TMTC1: variants seen among roughly 807,000 people sequenced by gnomAD.
The protein encoded by TMTC1 is transmembrane O-mannosyltransferase targeting cadherins 1.
TMTC1 carries 73 observed loss-of-function variants against 104.8 expected under a neutral mutation model. The observed-to-expected ratio is 0.70, with a 90% CI of 0.58 to 0.85. The LOEUF (loss-of-function observed/expected upper bound fraction) is 0.85, where lower values mean the gene tolerates loss of function less well. Among genes scored for constraint, TMTC1 ranks in the 40% least tolerant of loss-of-function variants. The pLI is 0.00. For missense variants in TMTC1, 1,035 were observed against 1,096.1 expected (o/e 0.94, Z 0.79); for synonymous variants, 434 against 428.7 (o/e 1.01, Z -0.15).
rs557237967 is a variant in TMTC1 at position 29,543,406 on chromosome 12, C to T, written c.1677-7089G>A. On this transcript the variant is annotated intron_variant, in intron 10 of 17. Coordinates refer to ENST00000539277, the MANE Select transcript of TMTC1 (RefSeq NM_001193451.2). ...CATTTAAACTGAAAGTAGATGCTTG[C>T]TTTGAAAAAGTATTGACATTTGGGG... is the stretch of plus-strand genomic sequence containing the variant. 2.8e-4 allele frequency among the ~76,000 whole-genome samples: 43 copies of T among 152,330 alleles called. 1 individual carries two copies. The highest frequency in any genetic ancestry group is 2.8e-3 in the Admixed American group (43 of 15,306).
At chr12:29,726,191 G>A (rs1296173944) in intron 5 of TMTC1, among the ~76,000 whole-genome samples, 1 of 152,180 alleles carries the variant, frequency 6.6e-6, no homozygotes, top group African/African-American at 2.4e-5. Flanking sequence ...AGCCAGAGAT[G>A]CACAGAATTA....
chr12:29,645,379 T>C (rs1396711175), intron 5 of TMTC1, among the ~76,000 whole-genome samples: 3 of 152,196 alleles, frequency 2.0e-5, no homozygotes, highest in Non-Finnish European at 4.4e-5. Context: ...CCAGCTTATT[T>C]TTTCTTATTT....
chr12:29,671,453 T>C (rs1459278998), intron 5 of TMTC1, among the ~76,000 whole-genome samples: 1 of 152,104 alleles, frequency 6.6e-6, no homozygotes, highest in East Asian at 1.9e-4. Flanking sequence ...TTAGAAGCAA[T>C]ATAGAAAAAG....
At chr12:29,768,141 A>G (rs302316) in intron 1 of TMTC1, 66 bp from the exon 2 acceptor site, 1,073,637 of 1,120,960 alleles carry the variant, frequency 0.96, 516,121 homozygotes, top group East Asian at 0.99. Flanking sequence ...CACAAGGAAC[A>G]CAGACGGAAT....
chr12:29,650,245 T>C (rs1398903269), intron 5 of TMTC1, among the ~76,000 whole-genome samples: 1 of 152,010 alleles, frequency 6.6e-6, no homozygotes, highest in Non-Finnish European at 1.5e-5. Flanking sequence ...CCATGATGCC[T>C]GGCTAATGTT....
At chr12:29,587,568 A>C (rs1057038030) in intron 7 of TMTC1, among the ~76,000 whole-genome samples, 1 of 152,116 alleles carries the variant, frequency 6.6e-6, no homozygotes, top group African/African-American at 2.4e-5. Flanking sequence ...TCTTGGGCTA[A>C]AGATCCACCT....
intron 9 of TMTC1, among the ~76,000 whole-genome samples, chr12:29,558,652 G>C (rs1397245071): frequency 2.0e-5 from 3 of 152,176 alleles, no homozygotes; most frequent in Admixed American, 6.5e-5. Flanking sequence ...TTAGGAGAGA[G>C]ATCTTTAGAG....
rs528009255 is a variant in TMTC1 at position 29,680,040 on chromosome 12, G to T, written c.939-46704C>A. Among the ~76,000 whole-genome samples, 17 of 152,192 alleles carry T rather than the reference G, an allele frequency of 1.1e-4. 2 individuals carry two copies. The highest frequency in any genetic ancestry group is 4.1e-4 in the African/African-American group (17 of 41,546). Reference sequence around the variant, plus strand: ...AATCACTTTGTTTCTGGTAATGATGGCATTGTTATTTTGAGACTTCTGGGA... The same window carrying T: ...AATCACTTTGTTTCTGGTAATGATGTCATTGTTATTTTGAGACTTCTGGGA... On this transcript the variant is annotated intron_variant, in intron 5 of 17. Transcript: ENST00000539277.
intron 5 of TMTC1, among the ~76,000 whole-genome samples, chr12:29,722,561 A>T (rs949188911): frequency 6.6e-6 from 1 of 152,220 alleles, no homozygotes; most frequent in Non-Finnish European, 1.5e-5. Flanking sequence ...AGAAAGAAGT[A>T]GTTTAAAGAT....
intron 5 of TMTC1, among the ~76,000 whole-genome samples, chr12:29,676,422 C>A (rs1013505342): frequency 6.6e-6 from 1 of 152,204 alleles, no homozygotes; most frequent in Non-Finnish European, 1.5e-5. Context: ...TGGTCTCTTA[C>A]TCTGACAAAA....
chr12:29,643,474 G>A (rs1282651866), intron 5 of TMTC1, among the ~76,000 whole-genome samples: 3 of 31,426 alleles, frequency 9.5e-5, no homozygotes, highest in Non-Finnish European at 1.8e-4. Flanking sequence ...ATATATATAT[G>A]ATGGAATATA....
chr12:29,627,144 A>T (rs1359648830), intron 6 of TMTC1, among the ~76,000 whole-genome samples: 1 of 152,194 alleles, frequency 6.6e-6, no homozygotes, highest in Non-Finnish European at 1.5e-5. Flanking sequence ...TGTGCATCAA[A>T]GGACATTATC....
At chr12:29,636,649 C>T (rs1332016417) in intron 5 of TMTC1, among the ~76,000 whole-genome samples, 1 of 151,916 alleles carries the variant, frequency 6.6e-6, no homozygotes, top group Non-Finnish European at 1.5e-5. Context: ...GAAACCCTGT[C>T]TCTACTAAAA....
intron 5 of TMTC1, among the ~76,000 whole-genome samples, chr12:29,700,358 G>C (rs939145388): frequency 6.6e-6 from 1 of 151,124 alleles, no homozygotes; most frequent in South Asian, 2.1e-4. Flanking sequence ...TCAGCCTCCC[G>C]AGTAGCTGGG....
At chr12:29,556,183 A>T (rs950749930) in intron 10 of TMTC1, among the ~76,000 whole-genome samples, 9 of 152,152 alleles carry the variant, frequency 5.9e-5, no homozygotes, top group Non-Finnish European at 1.3e-4. Context: ...CCTTTACTGT[A>T]GTCTTCAGTA....
chr12:29,545,633 A>T lies in TMTC1; in HGVS notation c.1677-9316T>A, dbSNP rs11050277. ...GGGCAACAGAGCAAGACTCTGTCAC[A>T]CACACACACACACACACACACACAC... On this transcript the variant is annotated intron_variant, in intron 10 of 17. Coordinates refer to ENST00000539277, the MANE Select transcript of TMTC1 (RefSeq NM_001193451.2). Among the ~76,000 whole-genome samples, 248 of 72,494 alleles carry T rather than the reference A, an allele frequency of 3.4e-3. 2 individuals carry two copies. Among genetic ancestry groups the T allele is most frequent in the Middle Eastern group, 7.8e-3 (1 of 128 alleles). The allele number at this position is 72,494 out of a possible 152,430, so 47.6% of individuals were successfully genotyped here.
chr12:29,529,488 T>G (rs1289371840), intron 11 of TMTC1, among the ~76,000 whole-genome samples: 1 of 152,242 alleles, frequency 6.6e-6, no homozygotes, highest in Non-Finnish European at 1.5e-5. Flanking sequence ...ATGGCTTTAT[T>G]AGTAAATAGT....
intron 1 of TMTC1, among the ~76,000 whole-genome samples, chr12:29,772,388 G>C (rs907686634): frequency 6.6e-6 from 1 of 152,122 alleles, no homozygotes; most frequent in Non-Finnish European, 1.5e-5. Context: ...AAAGAGGAAA[G>C]TGAAATATTT....
chr12:29,661,227 C>A (rs1005611232), intron 5 of TMTC1: 1 of 349,664 alleles, frequency 2.9e-6, no homozygotes, highest in African/African-American at 2.2e-5. Flanking sequence ...ACTATCCCAT[C>A]GAATCCCAAA....
Sources: gnomAD v4.1 joint callset for allele counts (sites outside exome capture counted in the v4.1 genomes callset) on GRCh38, gnomAD v4.1.1 for gene constraint, MANE v1.5 for transcripts, NCBI Gene and HGNC (gene_info 2026-07-23, HGNC 2026-07-21) for gene names.